Variants in DDC observed in about 807,000 individuals in gnomAD.
DDC encodes the protein dopa decarboxylase, also known as aromatic-L-amino-acid decarboxylase.
A neutral mutation model predicts 60.0 loss-of-function variants in DDC; 43 were observed. That is an observed-to-expected ratio of 0.72 (90% CI 0.56 to 0.92). The LOEUF is 0.92. Ranked by LOEUF, DDC falls within the 40% of genes least tolerant of loss-of-function variation. DDC has a pLI of 0.00. For missense variants in DDC, 573 were observed against 620.2 expected (o/e 0.92, Z 0.81); for synonymous variants, 232 against 234.6 (o/e 0.99, Z 0.10).
At chr7:50,509,226 T>A (rs2043484333) in intron 6 of DDC, among the ~76,000 whole-genome samples, 1 of 152,128 alleles carries the variant, frequency 6.6e-6, no homozygotes, top group Non-Finnish European at 1.5e-5. Flanking sequence ...GATTCTCCTC[T>A]CTGATCCGAT....
In DDC at chr7:50,463,348, G is replaced by C. The variant is rs1302983659; in HGVS notation, c.1326C>G (p.Asp442Glu). 6.2e-7 allele frequency: 1 copy of C among 1,614,200 alleles called. No individual in the cohort carries two copies. The highest frequency in any genetic ancestry group is 8.5e-7 in the Non-Finnish European group (1 of 1,180,028). The change falls in exon 14 of 15, where the codon GAC (aspartate) becomes GAG (glutamate). Residue 442 changes from aspartate to glutamate, a missense_variant. By Grantham distance (45) the Asp-to-Glu change is conservative. Transcript: ENST00000444124. Reference protein sequence around the residue: ...KIHLVPCHLRDKFVLRFAICS... With the variant: ...KIHLVPCHLREKFVLRFAICS... ...AGATGGCAAAGCGCAGGACAAACTTGTCCCTGAGGTGACATGGAACCAAGT... is the reference window on the plus strand; with the variant it reads ...AGATGGCAAAGCGCAGGACAAACTTCTCCCTGAGGTGACATGGAACCAAGT...
intron 5 of DDC, 109 bp from the exon 6 acceptor site, chr7:50,528,389 A>C: frequency 7.1e-7 from 1 of 1,399,626 alleles, no homozygotes; most frequent in East Asian, 2.3e-5. Context: ...GGTCCCTCTT[A>C]ACGGCACAGG....
At chr7:50,532,529 G>T (rs2044250125) in intron 4 of DDC, among the ~76,000 whole-genome samples, 1 of 152,118 alleles carries the variant, frequency 6.6e-6, no homozygotes, top group African/African-American at 2.4e-5. Flanking sequence ...ATTCACTTTT[G>T]CTGCTATGCA....
At position 50,544,001 on chromosome 7, in the gene DDC, C is replaced by T. The variant is rs780962952; in HGVS notation, c.85G>A (p.Val29Ile). Residue 29 changes from valine to isoleucine, a missense_variant, in exon 2 of 15, where the codon GTC becomes ATC. Val to Ile is a conservative substitution (Grantham distance 29). Transcript: ENST00000444124. ...TACCCGGGCTCCACGTCAGGGTAGACCTGGCGTCCCTCAATGCCTTCCATG... is the reference window on the plus strand; with the variant it reads ...TACCCGGGCTCCACGTCAGGGTAGATCTGGCGTCCCTCAATGCCTTCCATG... ...NYMEGIEGRQ[V>I]YPDVEPGYLR... is the part of the protein sequence containing the mutation. 3.1e-5 allele frequency: 50 copies of T among 1,614,076 alleles called. No homozygotes were observed. The highest frequency in any genetic ancestry group is 3.8e-5 in the Non-Finnish European group (45 of 1,180,038).
intron 14 of DDC, among the ~76,000 whole-genome samples, 167 bp from the exon 15 acceptor site, chr7:50,459,010 G>A (rs533361301): frequency 4.1e-4 from 62 of 150,988 alleles, no homozygotes; most frequent in African/African-American, 1.4e-3. Context: ...ATGCCCAGCC[G>A]AAGCTGGACT....
At chr7:50,536,116 T>C (rs2044401290) in intron 4 of DDC, among the ~76,000 whole-genome samples, 1 of 152,110 alleles carries the variant, frequency 6.6e-6, no homozygotes, top group Non-Finnish European at 1.5e-5. Flanking sequence ...GAATTTCCTT[T>C]TGGATGAAGG....
At chr7:50,515,029 G>A (rs1396442817) in intron 6 of DDC, among the ~76,000 whole-genome samples, 3 of 152,166 alleles carry the variant, frequency 2.0e-5, no homozygotes, top group Admixed American at 6.5e-5. Context: ...GACCTGGCTA[G>A]AGACCCAGCC....
chr7:50,555,430 A>T (rs2045150778), intron 1 of DDC, among the ~76,000 whole-genome samples: 4 of 152,214 alleles, frequency 2.6e-5, no homozygotes, highest in Non-Finnish European at 5.9e-5. Flanking sequence ...GGACTGTCCC[A>T]GGTGTGAAGC....
At chr7:50,494,126 C>T (rs188329685) in intron 9 of DDC, among the ~76,000 whole-genome samples, 11 of 152,320 alleles carry the variant, frequency 7.2e-5, no homozygotes, top group Non-Finnish European at 1.5e-4. Context: ...TTTCTTTAAA[C>T]ATTGTGTAGG....
Position 50,479,854 on chromosome 7 carries a change from C to G in DDC, c.954G>C (p.Lys318Asn), listed in dbSNP as rs1366903708. ...NFDCSAMWVK[K>N]RTDLTGAFRL... is the part of the protein sequence containing the mutation. ...TAAAGGCTCCCGTTAAGTCTGTTCT[C>G]TTTTTCACCCTGGTTTTAGAGAACA... is the stretch of plus-strand genomic sequence containing the variant. Residue 318 changes from lysine to asparagine, a missense_variant, in exon 10 of 15, where the codon AAG (lysine) becomes AAC (asparagine). Transcript: ENST00000444124. 6.2e-7 allele frequency: 1 copy of G among 1,613,478 alleles called. No homozygotes were observed. Among genetic ancestry groups the G allele is most frequent in the African/African-American group, 1.3e-5 (1 of 74,986 alleles).
intron 6 of DDC, among the ~76,000 whole-genome samples, chr7:50,511,414 C>G (rs374343412): frequency 6.6e-6 from 1 of 151,982 alleles, no homozygotes; most frequent in East Asian, 1.9e-4. Context: ...GCTTGTAACC[C>G]CAACACTTTG....
In DDC at chr7:50,495,111, T is replaced by C. The variant is rs181376768; in HGVS notation, c.944+239A>G. Among the ~76,000 whole-genome samples, 4 of 152,322 alleles carry C rather than the reference T, an allele frequency of 2.6e-5. No homozygotes were observed. In the East Asian group the frequency reaches 7.7e-4, roughly 29 times the overall value. ...TTCTGTCAATGCTGGATAAATCAAA[T>C]AAAAAATTGTCCTTTTTAGGCTTCT... On this transcript the variant is annotated intron_variant, in intron 9 of 14. Transcript: ENST00000444124.
chr7:50,483,810 A>G (rs979085688), intron 9 of DDC, among the ~76,000 whole-genome samples: 2 of 151,954 alleles, frequency 1.3e-5, no homozygotes, highest in Non-Finnish European at 2.9e-5. Context: ...AGGCTGAGGC[A>G]GGAGAATGGT....
At chr7:50,489,190 A>G (rs1354111320) in intron 9 of DDC, among the ~76,000 whole-genome samples, 4 of 152,234 alleles carry the variant, frequency 2.6e-5, no homozygotes, top group Admixed American at 1.3e-4. Context: ...TATTTGTAGT[A>G]GAGATAAGGT....
chr7:50,515,256 G>C (rs2043695649), intron 6 of DDC, among the ~76,000 whole-genome samples: 1 of 152,162 alleles, frequency 6.6e-6, no homozygotes, highest in Non-Finnish European at 1.5e-5. Flanking sequence ...CCTATCTTCA[G>C]CCTCCTCAAA....
chr7:50,476,909 A>C (rs1050627033), intron 10 of DDC, among the ~76,000 whole-genome samples: 1 of 152,238 alleles, frequency 6.6e-6, no homozygotes, highest in African/African-American at 2.4e-5. Context: ...CTGCAGTTAC[A>C]TAGCATGAAC....
chr7:50,460,409 G>T (rs554304255), intron 14 of DDC, among the ~76,000 whole-genome samples: 4 of 147,638 alleles, frequency 2.7e-5, no homozygotes, highest in Admixed American at 6.7e-5. Flanking sequence ...GGAGGAAGGT[G>T]GGGGGGTCAG....
At chr7:50,540,125 T>A (rs1408421416) in intron 2 of DDC, 97 bp from the exon 3 acceptor site, 1 of 883,892 alleles carries the variant, frequency 1.1e-6, no homozygotes, top group Admixed American at 2.0e-5. Flanking sequence ...AGCTGCCAGA[T>A]GCAGCCAGAC....
rs562922944 is a variant in DDC at position 50,564,617 on chromosome 7, A to G, written c.-29+668T>C. 6.6e-5 allele frequency among the ~76,000 whole-genome samples: 10 copies of G among 152,354 alleles called. No individual in the cohort carries two copies. In the South Asian group the frequency reaches 2.1e-3, roughly 32 times the overall value. ...CGACAACAGACTTAAAACCAGGAGA[A>G]CTTCGACTCCTTGAAGTCGATAACC... On this transcript the variant is annotated intron_variant, in intron 1 of 14. Transcript: ENST00000444124.
Sources: allele counts gnomAD v4.1 joint callset (sites outside exome capture counted in the v4.1 genomes callset), GRCh38; gene constraint gnomAD v4.1.1; transcripts MANE v1.5; gene names NCBI Gene and HGNC (gene_info 2026-07-23, HGNC 2026-07-21).